The following PCDHA5 variants were observed in gnomAD, a reference collection of about 807,000 sequenced individuals.
The protein encoded by PCDHA5 is protocadherin alpha-5.
PCDHA5 carries 43 observed loss-of-function variants against 61.6 expected under a neutral mutation model. The observed-to-expected ratio is 0.70, with a 90% CI of 0.55 to 0.90. The LOEUF (loss-of-function observed/expected upper bound fraction) is 0.90, where lower values mean the gene tolerates loss of function less well. Among genes scored for constraint, PCDHA5 ranks in the 40% least tolerant of loss-of-function variants. The pLI is 0.00. For missense variants in PCDHA5, 1,298 were observed against 1,222.7 expected (o/e 1.06, Z -0.92); for synonymous variants, 627 against 543.9 (o/e 1.15, Z -2.13).
At chr5:140,971,884 C>A (rs1216931622) in intron 1 of PCDHA5, among the ~76,000 whole-genome samples, 1 of 151,602 alleles carries the variant, frequency 6.6e-6, no homozygotes, top group Admixed American at 6.6e-5. Flanking sequence ...AGGAAATAAG[C>A]TCAGGGAGGT....
At chr5:140,857,947 G>C in intron 1 of PCDHA5, 1 of 1,597,414 alleles carries the variant, frequency 6.3e-7, no homozygotes, top group Non-Finnish European at 8.6e-7. Flanking sequence ...TCAGTACGAC[G>C]CGCGCTCTGG....
At chr5:140,877,192 G>A in intron 1 of PCDHA5, 2 of 1,613,846 alleles carry the variant, frequency 1.2e-6, no homozygotes, top group Non-Finnish European at 1.7e-6. Flanking sequence ...TGGCAGCGCA[G>A]GAGGCGCAGT....
intron 1 of PCDHA5, among the ~76,000 whole-genome samples, chr5:140,855,428 G>A (rs1039152755): frequency 4.7e-5 from 7 of 149,940 alleles, no homozygotes; most frequent in African/African-American, 1.7e-4. Context: ...AAATTCTAGT[G>A]ATGACTAGAT....
chr5:140,957,145 T>A (rs1554222837), intron 1 of PCDHA5, among the ~76,000 whole-genome samples: 1 of 152,156 alleles, frequency 6.6e-6, no homozygotes, highest in Non-Finnish European at 1.5e-5. Context: ...GAACTAAAAA[T>A]TTTGGAGACA....
Position 140,882,692 on chromosome 5 carries a change from AT to A in PCDHA5, c.2352+58567del, listed in dbSNP as rs782355155. On this transcript the variant is annotated intron_variant, in intron 1 of 3. Coordinates refer to ENST00000529859, the MANE Select transcript of PCDHA5 (RefSeq NM_018908.3). The stretch of plus-strand genomic sequence containing the variant: ...CCCTGAAAGCAAGAAACGAATAATC[AT>A]TGCAGAATCTAGACCTCCGGAAACT... The A allele has an allele frequency of 2.1e-5, 34 of 1,614,204 alleles. No individual in the cohort carries two copies. In the South Asian group the frequency reaches 3.5e-4, roughly 17 times the overall value.
At chr5:140,850,679 C>A in intron 1 of PCDHA5, 1 of 1,598,496 alleles carries the variant, frequency 6.3e-7, no homozygotes, top group Non-Finnish European at 8.6e-7. Flanking sequence ...CGATGCCCAC[C>A]GAGGGCGAGT....
chr5:140,858,160 G>A, intron 1 of PCDHA5: 1 of 1,597,718 alleles, frequency 6.3e-7, no homozygotes, highest in Non-Finnish European at 8.6e-7. Flanking sequence ...CCATCTGCGC[G>A]GTGTCCAGCT....
chr5:140,972,700 T>C (rs1353443535), intron 1 of PCDHA5, among the ~76,000 whole-genome samples: 3 of 147,702 alleles, frequency 2.0e-5, no homozygotes, highest in African/African-American at 7.5e-5. Context: ...AGTCTCACTC[T>C]GTTGCCAGGC....
chr5:140,913,572 T>C (rs1000646852), intron 1 of PCDHA5, among the ~76,000 whole-genome samples: 1 of 152,146 alleles, frequency 6.6e-6, no homozygotes, highest in Non-Finnish European at 1.5e-5. Context: ...TTTCATCATT[T>C]CAAATATATT....
intron 1 of PCDHA5, among the ~76,000 whole-genome samples, chr5:140,957,433 A>G (rs2095359030): frequency 6.6e-6 from 1 of 152,202 alleles, no homozygotes; most frequent in Non-Finnish European, 1.5e-5. Flanking sequence ...TACTGTGCCT[A>G]ATTTATAAAT....
chr5:140,876,486 G>A, intron 1 of PCDHA5: 1 of 1,614,014 alleles, frequency 6.2e-7, no homozygotes, highest in Non-Finnish European at 8.5e-7. Context: ...TGGTCCTGGT[G>A]GAAGTTCTGG....
chr5:140,939,215 G>C (rs1251785254), intron 1 of PCDHA5, among the ~76,000 whole-genome samples: 1 of 152,154 alleles, frequency 6.6e-6, no homozygotes, highest in African/African-American at 2.4e-5. Context: ...CCTTCTTGCT[G>C]TCTCTTCACC....
intron 1 of PCDHA5, chr5:140,926,550 C>A (rs1235832737): frequency 1.7e-5 from 4 of 233,488 alleles, no homozygotes; most frequent in Admixed American, 5.6e-5. Context: ...TGGTCGAGAC[C>A]CCAGCCCGCT....
intron 3 of PCDHA5, among the ~76,000 whole-genome samples, chr5:140,995,389 G>T (rs1377788418): frequency 6.6e-6 from 1 of 152,190 alleles, no homozygotes; most frequent in Non-Finnish European, 1.5e-5. Context: ...GCAGGATAAA[G>T]CGGGATGGCT....
chr5:140,840,029 G>A (rs916611667), intron 1 of PCDHA5, among the ~76,000 whole-genome samples: 1 of 152,050 alleles, frequency 6.6e-6, no homozygotes, highest in African/African-American at 2.4e-5. Flanking sequence ...GTCACGTAGC[G>A]TATCTCCCAG....
At chr5:140,876,283 G>A in intron 1 of PCDHA5, 1 of 1,614,056 alleles carries the variant, frequency 6.2e-7, no homozygotes. Flanking sequence ...CGATCCAGAC[G>A]AAGGACTTAA....
intron 1 of PCDHA5, chr5:140,966,881 C>A: frequency 6.3e-7 from 1 of 1,589,072 alleles, no homozygotes. Context: ...GCTACCTGGC[C>A]CTGCGGCCTC....
At chr5:140,855,946 A>G in intron 1 of PCDHA5, 4 of 1,354,082 alleles carry the variant, frequency 3.0e-6, no homozygotes, top group Non-Finnish European at 4.0e-6. Flanking sequence ...GATCTCAGCC[A>G]TTTCGATAAA....
rs116377419 is a variant in PCDHA5, at chr5:140,884,621, G to A, written c.2352+60494G>A. On this transcript the variant is annotated intron_variant, in intron 1 of 3. Coordinates refer to ENST00000529859, the MANE Select transcript of PCDHA5 (RefSeq NM_018908.3). ...TCCTCCTTGTCTGGGTTCTGCAGAG[G>A]GAACAGGCCAGAGGGAGGAGGACTC... 8.0e-4 allele frequency: 1,287 copies of A among 1,613,996 alleles called. 6 individuals carry two copies. The African/African-American group carries it at 0.016, about 20-fold the overall frequency.
Sources: allele counts gnomAD v4.1 joint callset (sites outside exome capture counted in the v4.1 genomes callset), GRCh38; gene constraint gnomAD v4.1.1; transcripts MANE v1.5; gene names NCBI Gene and HGNC (gene_info 2026-07-23, HGNC 2026-07-21).